Variants in CAMKMT observed in about 807,000 individuals in gnomAD.
The protein encoded by CAMKMT is calmodulin-lysine N-methyltransferase.
A neutral mutation model predicts 48.0 loss-of-function variants in CAMKMT; 53 were observed. The ratio of observed to expected loss-of-function variants is 1.10; its 90% CI spans 0.89 to 1.39. The LOEUF (loss-of-function observed/expected upper bound fraction) is 1.39, where lower values mean the gene tolerates loss of function less well. CAMKMT is among the 40% of genes most tolerant of loss of function. The pLI is 0.00. For synonymous variants in CAMKMT, 165 were observed against 152.3 expected (o/e 1.08, Z -0.61); for missense variants, 428 against 402.7 (o/e 1.06, Z -0.54).
intron 3 of CAMKMT, among the ~76,000 whole-genome samples, chr2:44,541,204 T>C (rs981746964): frequency 3.3e-5 from 5 of 152,234 alleles, no homozygotes; most frequent in African/African-American, 1.2e-4. Flanking sequence ...TTGTTTCATA[T>C]GAACTTTAGT....
At chr2:44,612,233 A>T (rs770207793) in intron 3 of CAMKMT, among the ~76,000 whole-genome samples, 2 of 152,210 alleles carry the variant, frequency 1.3e-5, no homozygotes, top group Non-Finnish European at 1.5e-5. Context: ...AAGTTAATTT[A>T]TGGGAATAAT....
At chr2:44,477,565 T>C (rs1668752638) in intron 3 of CAMKMT, among the ~76,000 whole-genome samples, 1 of 152,178 alleles carries the variant, frequency 6.6e-6, no homozygotes, top group African/African-American at 2.4e-5. Flanking sequence ...ATCTCAAAAG[T>C]ATAGATTTAA....
At chr2:44,594,523 C>G (rs1670529853) in intron 3 of CAMKMT, among the ~76,000 whole-genome samples, 2 of 152,204 alleles carry the variant, frequency 1.3e-5, no homozygotes, top group Admixed American at 6.5e-5. Context: ...CTAAAACCAT[C>G]TGATCTTTGA....
chr2:44,755,854 G>A (rs2104391647), intron 9 of CAMKMT, among the ~76,000 whole-genome samples: 1 of 152,274 alleles, frequency 6.6e-6, no homozygotes, highest in South Asian at 2.1e-4. Flanking sequence ...AGGGCCCTAG[G>A]GGAGGTGGCA....
chr2:44,506,890 CA>C (rs997723784), intron 3 of CAMKMT, among the ~76,000 whole-genome samples: 25 of 152,106 alleles, frequency 1.6e-4, no homozygotes, highest in African/African-American at 6.0e-4. Context: ...TTATGCTGAT[CA>C]AAAAATCTTC....
chr2:44,463,978 C>G (rs1189329801), intron 3 of CAMKMT, among the ~76,000 whole-genome samples: 1 of 152,128 alleles, frequency 6.6e-6, no homozygotes, highest in Non-Finnish European at 1.5e-5. Flanking sequence ...AAATAAATCT[C>G]CATTAACTGA....
intron 3 of CAMKMT, among the ~76,000 whole-genome samples, chr2:44,629,183 T>C (rs183568835): frequency 8.3e-4 from 127 of 152,300 alleles, no homozygotes; most frequent in Non-Finnish European, 1.5e-3. Flanking sequence ...TTCTGCTTCA[T>C]GTATTTTGAA....
At chr2:44,577,033 T>C (rs1218345561) in intron 3 of CAMKMT, among the ~76,000 whole-genome samples, 1 of 152,250 alleles carries the variant, frequency 6.6e-6, no homozygotes, top group Non-Finnish European at 1.5e-5. Context: ...ATGTGTGTTT[T>C]TCAAATCTGC....
intron 3 of CAMKMT, among the ~76,000 whole-genome samples, chr2:44,619,335 CT>C (rs1672053384): frequency 6.6e-6 from 1 of 152,044 alleles, no homozygotes; most frequent in Non-Finnish European, 1.5e-5. Context: ...ATTTTAAATT[CT>C]CAAATTTAAA....
intron 3 of CAMKMT, among the ~76,000 whole-genome samples, chr2:44,650,715 A>G (rs1007471869): frequency 6.6e-6 from 1 of 152,208 alleles, no homozygotes; most frequent in Non-Finnish European, 1.5e-5. Context: ...AAATGTACAC[A>G]TGTGTTAAAG....
chr2:44,472,600 G>A (rs1211371719), intron 3 of CAMKMT, among the ~76,000 whole-genome samples: 1 of 152,108 alleles, frequency 6.6e-6, no homozygotes, highest in Non-Finnish European at 1.5e-5. Flanking sequence ...ATGATACAAT[G>A]TAAGCAAGAA....
intron 3 of CAMKMT, among the ~76,000 whole-genome samples, chr2:44,696,581 AGACAC>A (rs1283765869): frequency 6.6e-6 from 1 of 152,178 alleles, no homozygotes; most frequent in East Asian, 1.9e-4. Context: ...TGGGCTTGGG[AGACAC>A]CAGGTACAGT....
At chr2:44,478,007 G>A (rs141177304) in intron 3 of CAMKMT, among the ~76,000 whole-genome samples, 1 of 152,162 alleles carries the variant, frequency 6.6e-6, no homozygotes, top group East Asian at 1.9e-4. Flanking sequence ...TGTTTCAGTG[G>A]CCCTAAAAAA....
chr2:44,663,544 A>G (rs1266823657), intron 3 of CAMKMT, among the ~76,000 whole-genome samples: 1 of 152,194 alleles, frequency 6.6e-6, no homozygotes, highest in African/African-American at 2.4e-5. Flanking sequence ...ATTATTCTCC[A>G]CTCAAGTCCA....
At chr2:44,395,624 T>A (rs149534286) in intron 3 of CAMKMT, among the ~76,000 whole-genome samples, 1 of 152,166 alleles carries the variant, frequency 6.6e-6, no homozygotes, top group Non-Finnish European at 1.5e-5. Flanking sequence ...CGAGTCTTTG[T>A]ACAAGTCTTA....
At chr2:44,728,642 G>A (rs1266730865) in intron 7 of CAMKMT, among the ~76,000 whole-genome samples, 7 of 152,034 alleles carry the variant, frequency 4.6e-5, no homozygotes, top group Non-Finnish European at 8.8e-5. Context: ...TTCGATCTTG[G>A]GAGACTGTGT....
At chr2:44,471,246 C>A (rs1031313643) in intron 3 of CAMKMT, among the ~76,000 whole-genome samples, 1 of 152,132 alleles carries the variant, frequency 6.6e-6, no homozygotes, top group African/African-American at 2.4e-5. Context: ...CTGCCTTGGC[C>A]TCCCAAAGTG....
chr2:44,745,511 CACATA>C (rs1297062904), intron 8 of CAMKMT, among the ~76,000 whole-genome samples: 4 of 152,218 alleles, frequency 2.6e-5, no homozygotes, highest in African/African-American at 9.6e-5. Flanking sequence ...ACATTACACA[CACATA>C]ACATAATATT....
chr2:44,430,227 C>T (rs1684567315), intron 3 of CAMKMT, among the ~76,000 whole-genome samples: 1 of 152,034 alleles, frequency 6.6e-6, no homozygotes, highest in Admixed American at 6.6e-5. Flanking sequence ...TCTCCATCAA[C>T]TGTAAAGTTA....
Sources: gnomAD v4.1 joint callset for allele counts (sites outside exome capture counted in the v4.1 genomes callset) on GRCh38, gnomAD v4.1.1 for gene constraint, MANE v1.5 for transcripts, NCBI Gene and HGNC (gene_info 2026-07-23, HGNC 2026-07-21) for gene names.